The following EYA4 variants were observed in gnomAD, a reference collection of about 807,000 sequenced individuals.
EYA4 encodes the protein EYA transcriptional coactivator and phosphatase 4, also known as protein phosphatase EYA4.
EYA4 carries 31 observed loss-of-function variants against 87.9 expected under a neutral mutation model. The observed-to-expected ratio is 0.35, with a 90% confidence interval of 0.27 to 0.48. EYA4 has a LOEUF of 0.48. EYA4 is among the 20% of genes least tolerant of loss of function. EYA4 has a pLI of 0.99. For missense variants in EYA4, 678 were observed against 761.4 expected (o/e 0.89, Z 1.29); for synonymous variants, 263 against 270.6 (o/e 0.97, Z 0.28).
At chr6:133,438,482 C>T (rs1447591429) in intron 3 of EYA4, among the ~76,000 whole-genome samples, 1 of 150,286 alleles carries the variant, frequency 6.7e-6, no homozygotes, top group Non-Finnish European at 1.5e-5. Flanking sequence ...CAGATACCTC[C>T]CCCAGGATCC....
intron 1 of EYA4, among the ~76,000 whole-genome samples, chr6:133,270,428 A>C (rs1776594020): frequency 6.6e-6 from 1 of 152,252 alleles, no homozygotes; most frequent in Admixed American, 6.5e-5. Context: ...GTCACATGAT[A>C]AAGGAAAAGG....
intron 14 of EYA4, chr6:133,510,356 C>T: frequency 5.1e-6 from 1 of 195,480 alleles, no homozygotes; most frequent in Admixed American, 4.9e-5. Context: ...TGGGCAACTT[C>T]ATGTGACACC....
intron 1 of EYA4, among the ~76,000 whole-genome samples, chr6:133,246,085 A>G (rs1019920025): frequency 6.6e-6 from 1 of 152,196 alleles, no homozygotes; most frequent in Non-Finnish European, 1.5e-5. Flanking sequence ...TCAAAACCAC[A>G]TTTATATAGT....
intron 2 of EYA4, among the ~76,000 whole-genome samples, chr6:133,345,762 T>C (rs1018138430): frequency 1.3e-5 from 2 of 152,210 alleles, no homozygotes; most frequent in African/African-American, 4.8e-5. Flanking sequence ...AGGGGTAAAG[T>C]AATAAAAATA....
intron 3 of EYA4, among the ~76,000 whole-genome samples, chr6:133,384,154 C>CA (rs1440588776): frequency 2.0e-5 from 3 of 152,114 alleles, no homozygotes; most frequent in Non-Finnish European, 4.4e-5. Flanking sequence ...AGAAAGCGAT[C>CA]AAACTGATTC....
At chr6:133,436,389 C>T (rs1011448478) in intron 3 of EYA4, among the ~76,000 whole-genome samples, 2 of 152,134 alleles carry the variant, frequency 1.3e-5, no homozygotes, top group African/African-American at 4.8e-5. Context: ...GCAATGTTTG[C>T]TGAACTAGAC....
At chr6:133,292,341 G>A (rs1008553597) in intron 2 of EYA4, among the ~76,000 whole-genome samples, 1 of 152,078 alleles carries the variant, frequency 6.6e-6, no homozygotes, top group African/African-American at 2.4e-5. Flanking sequence ...TGGTTTAATA[G>A]GCTTAATATT....
intron 13 of EYA4, among the ~76,000 whole-genome samples, chr6:133,496,016 T>C (rs1797622680): frequency 6.6e-6 from 1 of 152,224 alleles, no homozygotes; most frequent in Non-Finnish European, 1.5e-5. Flanking sequence ...CATGTTATCA[T>C]ATTAAAGGTC....
At chr6:133,334,947 A>G (rs955657792) in intron 2 of EYA4, among the ~76,000 whole-genome samples, 1 of 152,240 alleles carries the variant, frequency 6.6e-6, no homozygotes, top group South Asian at 2.1e-4. Context: ...CTAATAAATA[A>G]TACTCTTTAG....
chr6:133,456,460 A>G, intron 5 of EYA4, 96 bp from the exon 6 acceptor site: 2 of 874,830 alleles, frequency 2.3e-6, no homozygotes, highest in South Asian at 2.6e-5. Context: ...TTTCTCTTGC[A>G]TGCCCATGGT....
chr6:133,503,472 T>C (rs1339603594), intron 13 of EYA4, among the ~76,000 whole-genome samples: 1 of 152,208 alleles, frequency 6.6e-6, no homozygotes, highest in Admixed American at 6.5e-5. Context: ...GAAATATATA[T>C]CTTTAGGGCA....
intron 11 of EYA4, among the ~76,000 whole-genome samples, chr6:133,481,079 G>T (rs1180918786): frequency 6.6e-6 from 1 of 152,114 alleles, no homozygotes; most frequent in Admixed American, 6.6e-5. Context: ...TTCCTAGGAG[G>T]TGGGGCTGGG....
intron 3 of EYA4, among the ~76,000 whole-genome samples, chr6:133,424,138 C>T (rs1038684523): frequency 4.6e-5 from 7 of 152,190 alleles, no homozygotes; most frequent in African/African-American, 1.7e-4. Flanking sequence ...TGCTGGTTGT[C>T]CTGTTGTCTC....
chr6:133,430,378 T>C (rs1791080795), intron 3 of EYA4, among the ~76,000 whole-genome samples: 1 of 152,224 alleles, frequency 6.6e-6, no homozygotes, highest in African/African-American at 2.4e-5. Flanking sequence ...TGTTTGGTCT[T>C]AGGCTAAAAT....
chr6:133,377,606 C>T lies in EYA4; in HGVS notation c.34-4786C>T, dbSNP rs1485128388. 5.3e-5 allele frequency among the ~76,000 whole-genome samples: 6 copies of T among 113,696 alleles called. No individual in the cohort carries two copies. The South Asian group carries it at 8.8e-4, about 17-fold the overall frequency. 74.6% of individuals were successfully genotyped at this position (113,696 alleles called of 152,430 possible). On this transcript the variant is annotated intron_variant, in intron 2 of 19. Coordinates refer to ENST00000355286, the MANE Select transcript of EYA4 (RefSeq NM_004100.5). ...TTTTTGGCTGTTTTTGGGGTGGTGGCGGAGGTGGATGCTAGAGATATCTGG... is the reference window on the plus strand; with the variant it reads ...TTTTTGGCTGTTTTTGGGGTGGTGGTGGAGGTGGATGCTAGAGATATCTGG...
chr6:133,352,396 A>G (rs533035126), intron 2 of EYA4, among the ~76,000 whole-genome samples: 1 of 152,298 alleles, frequency 6.6e-6, no homozygotes, highest in South Asian at 2.1e-4. Flanking sequence ...AAGGTAAACA[A>G]TGAAACAACA....
In EYA4 at chr6:133,530,592, T is replaced by C; in HGVS notation, c.*1787T>C. On this transcript the variant is annotated 3_prime_UTR_variant, in exon 20 of 20. Coordinates refer to ENST00000355286, the MANE Select transcript of EYA4 (RefSeq NM_004100.5). ...CTGTGGCTTCAATAAAGTCTACATT[T>C]TGCTCACAGATCACAACATTCACTG... The C allele has an allele frequency of 1.0e-6, 1 of 985,882 alleles. No homozygotes were observed. Among genetic ancestry groups the C allele is most frequent in the Non-Finnish European group, 1.2e-6 (1 of 829,958 alleles). The allele number at this position is 985,882 out of a possible 1,614,324, so 61.1% of individuals were successfully genotyped here.
intron 7 of EYA4, 153 bp from the exon 8 acceptor site, chr6:133,462,182 C>A: frequency 1.1e-6 from 1 of 902,290 alleles, no homozygotes; most frequent in Non-Finnish European, 1.8e-6. Flanking sequence ...GAGCTCCTGA[C>A]ATTCAGACTG....
chr6:133,413,159 A>C (rs1789391185), intron 3 of EYA4, among the ~76,000 whole-genome samples: 1 of 152,030 alleles, frequency 6.6e-6, no homozygotes, highest in Admixed American at 6.5e-5. Flanking sequence ...CTAGGCCATT[A>C]ATCCTGCCTG....
Sources: gnomAD v4.1 joint callset for allele counts (sites outside exome capture counted in the v4.1 genomes callset) on GRCh38, gnomAD v4.1.1 for gene constraint, MANE v1.5 for transcripts, NCBI Gene and HGNC (gene_info 2026-07-23, HGNC 2026-07-21) for gene names.